The following PDLIM5 variants were observed in gnomAD, a reference collection of about 807,000 sequenced individuals.
PDLIM5 encodes the protein PDZ and LIM domain protein 5.
Under a neutral mutation model 64.2 loss-of-function variants are expected in PDLIM5, and 34 were observed. That is an observed-to-expected ratio of 0.53 (90% CI 0.40 to 0.71). The LOEUF (loss-of-function observed/expected upper bound fraction) is 0.71, where lower values mean the gene tolerates loss of function less well. Among genes scored for constraint, PDLIM5 ranks in the 30% least tolerant of loss-of-function variants. The pLI is 0.00. For synonymous variants in PDLIM5, 253 were observed against 269.1 expected, an observed-to-expected ratio of 0.94 and a Z score of 0.59; for missense variants, 683 against 733.6, an observed-to-expected ratio of 0.93 and a Z score of 0.80.
chr4:94,452,737 G>A (rs1197438276), intron 1 of PDLIM5, among the ~76,000 whole-genome samples: 1 of 152,180 alleles, frequency 6.6e-6, no homozygotes, highest in East Asian at 1.9e-4. Flanking sequence ...GCGCTGGGCA[G>A]GGCAGATTTA....
chr4:94,554,718 T>C (rs1036495712), intron 3 of PDLIM5, among the ~76,000 whole-genome samples: 37 of 152,228 alleles, frequency 2.4e-4, no homozygotes, highest in African/African-American at 8.9e-4. Context: ...GTTTTATCAA[T>C]TGTTTTTAAA....
intron 2 of PDLIM5, among the ~76,000 whole-genome samples, chr4:94,521,244 G>T (rs951459760): frequency 6.6e-6 from 1 of 152,106 alleles, no homozygotes; most frequent in African/African-American, 2.4e-5. Flanking sequence ...GAGAGGTAAT[G>T]GGGCCACCAT....
chr4:94,502,349 C>T (rs979835979), intron 2 of PDLIM5, among the ~76,000 whole-genome samples: 1 of 152,122 alleles, frequency 6.6e-6, no homozygotes, highest in Non-Finnish European at 1.5e-5. Context: ...ATCAAATGTG[C>T]AATGTGTCAA....
intron 5 of PDLIM5, among the ~76,000 whole-genome samples, 178 bp from the exon 6 acceptor site, chr4:94,585,387 G>T (rs9994440): frequency 6.6e-6 from 1 of 151,920 alleles, no homozygotes; most frequent in African/African-American, 2.4e-5. Flanking sequence ...ACCGTGCCCC[G>T]CCTATTTTAG....
At position 94,664,007 on chromosome 4, in the gene PDLIM5, CT is replaced by C; in HGVS notation, c.1736del (p.Phe579SerfsTer16). 2 of 1,607,376 alleles carry C rather than the reference CT, an allele frequency of 1.2e-6. No individual in the cohort carries two copies. Among genetic ancestry groups the C allele is most frequent in the Non-Finnish European group, 1.7e-6 (2 of 1,175,480 alleles). ...GTTGTGAAAGTTTGGAAGGTCAGAC[CT>C]TTTTCTCCAAGAAGGACAAGCCCCT... ...VCCESLEGQT[F>X]FSKKDKPLCK... On this transcript the variant is annotated frameshift_variant, in exon 13 of 13. Coordinates refer to ENST00000317968, the MANE Select transcript of PDLIM5 (RefSeq NM_006457.5). LOFTEE classifies it high-confidence loss of function.
intron 3 of PDLIM5, among the ~76,000 whole-genome samples, chr4:94,561,746 A>G (rs1733869065): frequency 1.3e-5 from 2 of 152,206 alleles, no homozygotes. Flanking sequence ...TTTTCAGATT[A>G]TTTATCTTAA....
chr4:94,511,841 G>A (rs1728908981), intron 2 of PDLIM5, among the ~76,000 whole-genome samples: 1 of 152,130 alleles, frequency 6.6e-6, no homozygotes, highest in Admixed American at 6.5e-5. Context: ...ACTCCAGTGT[G>A]TATATGTATC....
At chr4:94,556,756 G>GT (rs1308277197) in intron 3 of PDLIM5, among the ~76,000 whole-genome samples, 3 of 152,130 alleles carry the variant, frequency 2.0e-5, no homozygotes, top group South Asian at 2.1e-4. Flanking sequence ...GGGGTTGTTT[G>GT]TTTTTTTCTT....
intron 2 of PDLIM5, among the ~76,000 whole-genome samples, chr4:94,472,711 G>A (rs1291121466): frequency 6.6e-6 from 1 of 152,142 alleles, no homozygotes; most frequent in African/African-American, 2.4e-5. Context: ...TATAGATAAA[G>A]TTGGGAGATT....
At chr4:94,452,839 C>T (rs1407711578) in intron 1 of PDLIM5, among the ~76,000 whole-genome samples, 3 of 152,182 alleles carry the variant, frequency 2.0e-5, no homozygotes, top group Admixed American at 1.3e-4. Context: ...GTTCGGTAGC[C>T]TTATTTGGCC....
chr4:94,469,504 G>A (rs1230324970), intron 2 of PDLIM5, among the ~76,000 whole-genome samples: 11 of 152,160 alleles, frequency 7.2e-5, no homozygotes, highest in Admixed American at 2.6e-4. Flanking sequence ...ATAGAAAGAA[G>A]GCTAGTGTGG....
rs143660655 is a variant in PDLIM5, at chr4:94,662,435, C to T, written c.1599C>T (p.Leu533=). 98 of 1,537,320 alleles carry T rather than the reference C, an allele frequency of 6.4e-5. No homozygotes were observed. In the African/African-American group the frequency reaches 9.2e-4, roughly 15 times the overall value. Residue 533 remains leucine, a synonymous_variant, in exon 12 of 13, where the codon CTC becomes CTT. Coordinates refer to ENST00000317968, the MANE Select transcript of PDLIM5 (RefSeq NM_006457.5). ...CCCTTAATACAGATTATTATGCCCTCTTTGGTACTATATGCCATGGATGTG... is the reference window on the plus strand; with the variant it reads ...CCCTTAATACAGATTATTATGCCCTTTTTGGTACTATATGCCATGGATGTG... The part of the protein sequence containing the change: ...EPYCETDYYA[L]FGTICHGCEF...
chr4:94,614,186 C>T (rs912498567), intron 7 of PDLIM5, among the ~76,000 whole-genome samples: 2 of 152,202 alleles, frequency 1.3e-5, no homozygotes, highest in Non-Finnish European at 2.9e-5. Context: ...TGGTCTCCAT[C>T]TCTTGACCTC....
At chr4:94,545,585 T>A (rs1327890046) in intron 3 of PDLIM5, among the ~76,000 whole-genome samples, 1 of 152,230 alleles carries the variant, frequency 6.6e-6, no homozygotes, top group Non-Finnish European at 1.5e-5. Context: ...AAGAAGATAT[T>A]CTTAAGGTTG....
chr4:94,577,542 A>T, intron 5 of PDLIM5: 1 of 306,602 alleles, frequency 3.3e-6, no homozygotes, highest in South Asian at 3.0e-5. Flanking sequence ...TGTGAGGAAG[A>T]GAAACAGTAT....
chr4:94,466,018 G>A (rs904476322), intron 2 of PDLIM5, among the ~76,000 whole-genome samples: 7 of 151,960 alleles, frequency 4.6e-5, no homozygotes, highest in African/African-American at 1.7e-4. Flanking sequence ...CTGGAGTGCA[G>A]TGGCACTGTC....
At chr4:94,656,231 A>G (rs911211015) in intron 10 of PDLIM5, among the ~76,000 whole-genome samples, 1 of 152,146 alleles carries the variant, frequency 6.6e-6, no homozygotes, top group African/African-American at 2.4e-5. Flanking sequence ...AATTGTAATC[A>G]TGCTTTATGT....
intron 7 of PDLIM5, chr4:94,587,905 A>G: frequency 1.1e-6 from 1 of 914,160 alleles, no homozygotes. Context: ...TACAATATGA[A>G]TGATTGTGAG....
rs143173848 is a variant in PDLIM5, at chr4:94,634,791, T to G, written c.1109-5485T>G. Among the ~76,000 whole-genome samples the G allele has an allele frequency of 6.1e-3, 925 of 152,284 alleles. 9 individuals carry two copies. Among genetic ancestry groups the G allele is most frequent in the African/African-American group, 0.021 (861 of 41,550 alleles). ...AACCCCCACTTTATTCTTAATCCGG[T>G]GAGAAAACATCTGTTTTCAAAAAAT... On this transcript the variant is annotated intron_variant, in intron 8 of 12. Transcript: ENST00000317968.
Sources: allele counts gnomAD v4.1 joint callset (sites outside exome capture counted in the v4.1 genomes callset), GRCh38; gene constraint gnomAD v4.1.1; transcripts MANE v1.5; gene names NCBI Gene and HGNC (gene_info 2026-07-23, HGNC 2026-07-21).